Variants in RIC1 observed in about 807,000 individuals in gnomAD.
The protein encoded by RIC1 is RIC1 partner of RAB6A GEF complex.
In RIC1, 88 loss-of-function variants were observed where a neutral mutation model predicts 169.0. The observed-to-expected ratio is 0.52, with a 90% CI of 0.44 to 0.62. The LOEUF is 0.62. Ranked by LOEUF, RIC1 falls within the 20% of genes least tolerant of loss-of-function variation. The probability of loss-of-function intolerance (pLI) is 0.00; values close to 1 mark genes in which losing one functional copy is unlikely to be tolerated. For synonymous variants in RIC1, 790 were observed against 601.5 expected (o/e 1.31, Z -4.59); for missense variants, 1,877 against 1,725.5 (o/e 1.09, Z -1.56).
intron 4 of RIC1, among the ~76,000 whole-genome samples, chr9:5,718,080 C>G (rs1823368320): frequency 8.2e-6 from 1 of 121,912 alleles, no homozygotes; most frequent in South Asian, 2.7e-4. Context: ...GCAGAGGTTG[C>G]AGTGAGCTGA....
chr9:5,726,715 T>G (rs1020329115), intron 6 of RIC1, among the ~76,000 whole-genome samples: 5 of 152,242 alleles, frequency 3.3e-5, no homozygotes, highest in African/African-American at 1.2e-4. Context: ...CCATATTTAG[T>G]GCTTCCTTCA....
At chr9:5,776,668 A>G (rs1331076306), downstream of RIC1, 1 of 151,992 alleles carries the variant, frequency 6.6e-6, no homozygotes, top group African/African-American at 2.4e-5. Context: ...AGATTTATTT[A>G]AAATATTTAT....
intron 24 of RIC1, 67 bp downstream of exon 24, chr9:5,772,808 G>A (rs1827313209): frequency 6.5e-7 from 1 of 1,548,306 alleles, no homozygotes; most frequent in Non-Finnish European, 8.8e-7. Context: ...TAGGTATGGG[G>A]CTACTCTCCT....
At chr9:5,673,817 T>C (rs1245686503) in intron 2 of RIC1, among the ~76,000 whole-genome samples, 2 of 152,018 alleles carry the variant, frequency 1.3e-5, no homozygotes, top group Non-Finnish European at 2.9e-5. Flanking sequence ...TTTAAAAATT[T>C]ACTCATTTCT....
At chr9:5,630,124 A>G (rs1476185996) in intron 1 of RIC1, among the ~76,000 whole-genome samples, 1 of 152,240 alleles carries the variant, frequency 6.6e-6, no homozygotes, top group Non-Finnish European at 1.5e-5. Flanking sequence ...ACTCCCAGTT[A>G]TAACACCTGG....
chr9:5,755,218 T>C (rs577947034), intron 15 of RIC1, among the ~76,000 whole-genome samples: 2 of 152,274 alleles, frequency 1.3e-5, no homozygotes, highest in South Asian at 4.1e-4. Flanking sequence ...TTTCATGATA[T>C]AAGAATGGCT....
chr9:5,683,365 G>C (rs1187664472), intron 2 of RIC1, among the ~76,000 whole-genome samples: 2 of 152,194 alleles, frequency 1.3e-5, no homozygotes, highest in East Asian at 1.9e-4. Context: ...CCCTCTAACA[G>C]TCAGGACCCT....
chr9:5,654,451 G>T (rs999224451), intron 1 of RIC1, among the ~76,000 whole-genome samples: 1 of 152,192 alleles, frequency 6.6e-6, no homozygotes, highest in African/African-American at 2.4e-5. Flanking sequence ...GTTTCACCAT[G>T]TTGGCGGGCT....
At chr9:5,706,059 C>A (rs1238902390) in intron 3 of RIC1, among the ~76,000 whole-genome samples, 2 of 152,010 alleles carry the variant, frequency 1.3e-5, no homozygotes, top group African/African-American at 4.8e-5. Flanking sequence ...ATATTTTGTT[C>A]AGGATTTTTT....
At chr9:5,650,417 C>T (rs1053668083) in intron 1 of RIC1, among the ~76,000 whole-genome samples, 7 of 152,138 alleles carry the variant, frequency 4.6e-5, no homozygotes, top group African/African-American at 1.7e-4. Flanking sequence ...GGCCTGTCTT[C>T]AGGCCCCCTG....
chr9:5,763,039 T>G lies in RIC1; in HGVS notation c.2113-101T>G. Reference sequence around the variant, plus strand: ...TCCCTTTGCTTTTCCCAAAAAAATATTATACTATCATTTGAAAGACTTAGT... The same window carrying G: ...TCCCTTTGCTTTTCCCAAAAAAATAGTATACTATCATTTGAAAGACTTAGT... On this transcript the variant is annotated intron_variant, in intron 18 of 25. Transcript: ENST00000414202. The surrounding 1 kb of genome is among the most constrained non-coding windows in gnomAD (Gnocchi z 5.2). The G allele has an allele frequency of 7.2e-7, 1 of 1,384,220 alleles. No individual in the cohort carries two copies. The highest frequency in any genetic ancestry group is 9.7e-7 in the Non-Finnish European group (1 of 1,029,248). 85.7% of individuals were successfully genotyped at this position (1,384,220 alleles called of 1,614,324 possible).
intron 8 of RIC1, among the ~76,000 whole-genome samples, chr9:5,740,885 A>G (rs1825046068): frequency 1.3e-5 from 2 of 152,084 alleles, no homozygotes; most frequent in Admixed American, 6.6e-5. Context: ...ATATTTAACT[A>G]TTCATGTTGA....
intron 2 of RIC1, among the ~76,000 whole-genome samples, chr9:5,686,700 C>T (rs188140442): frequency 5.4e-4 from 82 of 151,752 alleles, no homozygotes; most frequent in African/African-American, 1.5e-3. Context: ...GTGGGTGCAG[C>T]GCACCAGTAT....
At chr9:5,715,923 C>T (rs1435799230) in intron 4 of RIC1, among the ~76,000 whole-genome samples, 2 of 151,990 alleles carry the variant, frequency 1.3e-5, no homozygotes, top group Non-Finnish European at 2.9e-5. Flanking sequence ...TCACAGCTCA[C>T]TGCAGCCTCA....
At chr9:5,683,752 TGCTGAGGAAGGCGG>T (rs1266885245) in intron 2 of RIC1, among the ~76,000 whole-genome samples, 25 of 152,210 alleles carry the variant, frequency 1.6e-4, no homozygotes, top group African/African-American at 5.8e-4. Context: ...AGGTGGAGAC[TGCTGAGGAAGGCGG>T]GCCTCCTTGA....
chr9:5,630,843 G>C (rs747629276), intron 1 of RIC1, among the ~76,000 whole-genome samples: 12 of 152,090 alleles, frequency 7.9e-5, no homozygotes, highest in Non-Finnish European at 1.6e-4. Flanking sequence ...CAATGTATAT[G>C]CCAGTTGAAT....
chr9:5,691,818 A>G (rs1023054638), intron 3 of RIC1, among the ~76,000 whole-genome samples: 6 of 152,034 alleles, frequency 3.9e-5, no homozygotes, highest in Admixed American at 2.0e-4. Flanking sequence ...TCCTGTGGGC[A>G]TGGTAGAGAA....
intron 3 of RIC1, among the ~76,000 whole-genome samples, chr9:5,695,007 A>T (rs2130738541): frequency 6.6e-6 from 1 of 152,320 alleles, no homozygotes; most frequent in East Asian, 1.9e-4. Flanking sequence ...TTATTCTTCT[A>T]GTAGAGGGTG....
intron 10 of RIC1, among the ~76,000 whole-genome samples, chr9:5,744,099 C>G (rs1825243654): frequency 6.6e-6 from 1 of 151,880 alleles, no homozygotes; most frequent in Non-Finnish European, 1.5e-5. Flanking sequence ...ACAGTTCTTG[C>G]TTGATGAAAG....
Sources: allele counts gnomAD v4.1 joint callset (sites outside exome capture counted in the v4.1 genomes callset), GRCh38; gene constraint gnomAD v4.1.1; non-coding constraint Gnocchi (gnomAD v3.1); transcripts MANE v1.5; gene names NCBI Gene and HGNC (gene_info 2026-07-23, HGNC 2026-07-21).